Variants in MAP4K3 observed in about 807,000 individuals in gnomAD.
MAP4K3 encodes mitogen-activated protein kinase kinase kinase kinase 3, also known as MAPK/ERK kinase kinase kinase 3.
MAP4K3 carries 94 observed loss-of-function variants against 143.5 expected under a neutral mutation model. The observed-to-expected ratio is 0.65, with a 90% CI of 0.55 to 0.78. MAP4K3 has a LOEUF of 0.78. Among genes scored for constraint, MAP4K3 ranks in the 30% least tolerant of loss-of-function variants. The pLI is 0.00. For missense variants in MAP4K3, 1,077 were observed against 1,068.1 expected, an observed-to-expected ratio of 1.01 and a Z score of -0.12; for synonymous variants, 416 against 347.2, an observed-to-expected ratio of 1.20 and a Z score of -2.20.
intron 4 of MAP4K3, among the ~76,000 whole-genome samples, chr2:39,341,385 G>A (rs1263704882): frequency 1.3e-5 from 2 of 152,130 alleles, no homozygotes; most frequent in Non-Finnish European, 2.9e-5. Context: ...GAGGCCGGGC[G>A]TGGTAGCTCA....
At chr2:39,415,980 A>ATATATAAATATATAAATATATATAT (rs1159823679) in intron 1 of MAP4K3, among the ~76,000 whole-genome samples, 1 of 14,756 alleles carries the variant, frequency 6.8e-5, no homozygotes, top group Non-Finnish European at 1.5e-4. Context: ...AAAAAAAAAA[A>ATATATAAATATATAAATATATATAT]ATATATATAT....
chr2:39,409,482 T>C (rs1667181533), intron 1 of MAP4K3, among the ~76,000 whole-genome samples: 1 of 152,178 alleles, frequency 6.6e-6, no homozygotes, highest in Non-Finnish European at 1.5e-5. Context: ...TAGTCCCAGC[T>C]ACTCTAGAGG....
intron 1 of MAP4K3, among the ~76,000 whole-genome samples, chr2:39,381,547 T>C (rs10199948): frequency 0.79 from 120,412 of 152,102 alleles, 53,274 homozygotes; most frequent in Non-Finnish European, 0.97. Context: ...AGAAACCATT[T>C]GCCTAACCCA....
At chr2:39,403,538 A>G (rs1667010525) in intron 1 of MAP4K3, among the ~76,000 whole-genome samples, 1 of 152,148 alleles carries the variant, frequency 6.6e-6, no homozygotes, top group Non-Finnish European at 1.5e-5. Flanking sequence ...GGGAGTATTT[A>G]GATCAGCCCT....
intron 26 of MAP4K3, among the ~76,000 whole-genome samples, chr2:39,271,365 C>G (rs1476473983): frequency 6.6e-6 from 1 of 152,112 alleles, no homozygotes; most frequent in East Asian, 1.9e-4. Flanking sequence ...ACAGCAGATT[C>G]TCAAGGTACT....
chr2:39,343,272 A>G (rs113896215), intron 4 of MAP4K3, 116 bp downstream of exon 4: 23 of 660,356 alleles, frequency 3.5e-5, no homozygotes, highest in Middle Eastern at 2.8e-4. Flanking sequence ...GCCAAACAAT[A>G]TAACAATAAA....
intron 3 of MAP4K3, among the ~76,000 whole-genome samples, chr2:39,355,402 G>A (rs903473428): frequency 3.4e-5 from 5 of 145,924 alleles, no homozygotes; most frequent in African/African-American, 1.3e-4. Context: ...ATGGTGGTAC[G>A]TACCTGTGGT....
chr2:39,351,691 CAG>C (rs1332320891), intron 3 of MAP4K3, among the ~76,000 whole-genome samples: 3 of 152,140 alleles, frequency 2.0e-5, no homozygotes, highest in Admixed American at 6.5e-5. Flanking sequence ...AGTTTTGAGA[CAG>C]AGTCTCGCTC....
Position 39,324,789 on chromosome 2 carries a change from G to C in MAP4K3, c.918+729C>G, listed in dbSNP as rs531246846. Among the ~76,000 whole-genome samples the C allele has an allele frequency of 9.2e-5, 14 of 152,288 alleles. No homozygotes were observed. In the South Asian group the frequency reaches 2.9e-3, roughly 32 times the overall value. On this transcript the variant is annotated intron_variant, in intron 12 of 33. Transcript: ENST00000263881. ...GTTGCCACAACTATTAGCAGTGCTA[G>C]GAATGTTACATATGCAAACAGAAGT...
chr2:39,429,986 T>C (rs1428399622), intron 1 of MAP4K3, among the ~76,000 whole-genome samples: 2 of 152,236 alleles, frequency 1.3e-5, no homozygotes, highest in Admixed American at 1.3e-4. Context: ...TAAAAGAGCT[T>C]TCATGGTGAC....
chr2:39,366,392 G>T (rs1454422870), intron 2 of MAP4K3, among the ~76,000 whole-genome samples: 1 of 152,124 alleles, frequency 6.6e-6, no homozygotes, highest in Non-Finnish European at 1.5e-5. Context: ...ATAAGGGGTT[G>T]CGGAGACCAA....
intron 1 of MAP4K3, among the ~76,000 whole-genome samples, chr2:39,378,744 T>C (rs1016103281): frequency 3.3e-5 from 5 of 152,056 alleles, no homozygotes; most frequent in Non-Finnish European, 5.9e-5. Context: ...TACATGTAGT[T>C]CAATGCAAAA....
At chr2:39,328,316 G>A (rs905766102) in intron 8 of MAP4K3, among the ~76,000 whole-genome samples, 2 of 152,190 alleles carry the variant, frequency 1.3e-5, no homozygotes, top group African/African-American at 2.4e-5. Context: ...GGGTGACAGA[G>A]TGAGACCCCA....
intron 1 of MAP4K3, among the ~76,000 whole-genome samples, chr2:39,435,783 C>T (rs1167505460): frequency 1.3e-5 from 2 of 152,116 alleles, no homozygotes; most frequent in African/African-American, 4.8e-5. Context: ...ATCTATATTG[C>T]ATAGTAGGAA....
intron 2 of MAP4K3, among the ~76,000 whole-genome samples, chr2:39,369,597 T>C (rs1284137046): frequency 1.3e-5 from 2 of 152,210 alleles, no homozygotes; most frequent in Non-Finnish European, 2.9e-5. Flanking sequence ...TTTGCTTTTA[T>C]ACTATCCTCA....
At chr2:39,327,132 T>C (rs537296276) in intron 8 of MAP4K3, among the ~76,000 whole-genome samples, 1 of 152,278 alleles carries the variant, frequency 6.6e-6, no homozygotes, top group South Asian at 2.1e-4. Flanking sequence ...CAATAAATAA[T>C]ATTCGTAATA....
At chr2:39,420,479 C>G (rs1667515146) in intron 1 of MAP4K3, among the ~76,000 whole-genome samples, 1 of 151,946 alleles carries the variant, frequency 6.6e-6, no homozygotes, top group Non-Finnish European at 1.5e-5. Context: ...TGCAGTACTG[C>G]AATCATAGCT....
intron 8 of MAP4K3, among the ~76,000 whole-genome samples, chr2:39,326,834 C>G (rs1387140970): frequency 6.6e-6 from 1 of 152,116 alleles, no homozygotes; most frequent in African/African-American, 2.4e-5. Flanking sequence ...GTGGCCGTTT[C>G]CCGAGTGCTC....
intron 29 of MAP4K3, among the ~76,000 whole-genome samples, chr2:39,260,249 G>A (rs1680512756): frequency 6.6e-6 from 1 of 152,100 alleles, no homozygotes; most frequent in African/African-American, 2.4e-5. Context: ...TGGTAGGTGG[G>A]ACTACAGGCA....
Sources: allele counts gnomAD v4.1 joint callset (sites outside exome capture counted in the v4.1 genomes callset), GRCh38; gene constraint gnomAD v4.1.1; transcripts MANE v1.5; gene names NCBI Gene and HGNC (gene_info 2026-07-23, HGNC 2026-07-21).